NDRG1: variants seen among roughly 807,000 people sequenced by gnomAD.
NDRG1 encodes protein NDRG1.
Under a neutral mutation model 56.9 loss-of-function variants are expected in NDRG1, and 32 were observed. The ratio of observed to expected loss-of-function variants is 0.56; its 90% CI spans 0.42 to 0.76. NDRG1 has a LOEUF of 0.76. NDRG1 is among the 30% of genes least tolerant of loss of function. The probability of loss-of-function intolerance (pLI) is 0.00; values close to 1 mark genes in which losing one functional copy is unlikely to be tolerated. For synonymous variants in NDRG1, 211 were observed against 204.1 expected, an observed-to-expected ratio of 1.03 and a Z score of -0.29; for missense variants, 507 against 545.7, an observed-to-expected ratio of 0.93 and a Z score of 0.71.
In NDRG1 at chr8:133,258,443, A is replaced by G. The variant is rs1236813484; in HGVS notation, c.390-17T>C. The G allele has an allele frequency of 6.2e-7, 1 of 1,604,790 alleles. No individual in the cohort carries two copies. Among genetic ancestry groups the G allele is most frequent in the African/African-American group, 1.3e-5 (1 of 74,854 alleles). Reference sequence around the variant, plus strand: ...CTTTTCAGCCTGGAAGCAAAAATACAAATGCATGTCACACAAGGACAGAGT... The same window carrying G: ...CTTTTCAGCCTGGAAGCAAAAATACGAATGCATGTCACACAAGGACAGAGT... On this transcript the variant is annotated splice_polypyrimidine_tract_variant and intron_variant, in intron 6 of 15. Coordinates refer to ENST00000323851, the MANE Select transcript of NDRG1 (RefSeq NM_006096.4).
chr8:133,284,719 G>T (rs996530807), intron 1 of NDRG1: 1 of 461,288 alleles, frequency 2.2e-6, no homozygotes, highest in African/African-American at 2.0e-5. Context: ...GCCCCCGTGT[G>T]ACAATGAAAG....
At chr8:133,281,758 C>T (rs1857819594) in intron 2 of NDRG1, among the ~76,000 whole-genome samples, 1 of 152,200 alleles carries the variant, frequency 6.6e-6, no homozygotes, top group Admixed American at 6.5e-5. Context: ...AATAGCCCCA[C>T]ATCCCCTGAG....
intron 3 of NDRG1, among the ~76,000 whole-genome samples, chr8:133,277,810 C>G (rs931411872): frequency 6.6e-6 from 1 of 152,074 alleles, no homozygotes; most frequent in Non-Finnish European, 1.5e-5. Flanking sequence ...CATCATTGGC[C>G]CTTGTCAGTG....
intron 4 of NDRG1, among the ~76,000 whole-genome samples, chr8:133,263,220 G>C (rs1262714478): frequency 1.3e-5 from 2 of 152,240 alleles, no homozygotes; most frequent in Non-Finnish European, 1.5e-5. Context: ...GACAGGGGAA[G>C]AAGTGAGATA....
In NDRG1 at chr8:133,259,185, T is replaced by C; in HGVS notation, c.372A>G (p.Gly124=). The C allele has an allele frequency of 1.2e-6, 2 of 1,614,146 alleles. No individual in the cohort carries two copies. The highest frequency in any genetic ancestry group is 1.7e-6 in the Non-Finnish European group (2 of 1,180,020). The change falls in exon 6 of 16, where the codon GGA becomes GGG. Residue 124 remains glycine, a synonymous_variant. Transcript: ENST00000323851. ...GCTCTTACCCAAACTGTTGAAGGAC[T>C]CCAGGAAGCATTTCAGCCAGCTGAT... ...SMDQLAEMLP[G]VLQQFGLKSI... is the part of the protein sequence containing the mutation.
At chr8:133,270,949 C>T (rs983978274) in intron 3 of NDRG1, among the ~76,000 whole-genome samples, 1 of 152,186 alleles carries the variant, frequency 6.6e-6, no homozygotes, top group African/African-American at 2.4e-5. Context: ...ATGGTACAGA[C>T]CTGAATGTGT....
At chr8:133,262,226 G>A in intron 4 of NDRG1, 59 bp from the exon 5 acceptor site, 2 of 1,592,608 alleles carry the variant, frequency 1.3e-6, no homozygotes, top group Non-Finnish European at 1.7e-6. Flanking sequence ...AAAATTAGGT[G>A]TCTCGGTGGC....
intron 7 of NDRG1, 59 bp from the exon 8 acceptor site, chr8:133,256,922 T>C: frequency 6.6e-7 from 1 of 1,525,828 alleles, no homozygotes; most frequent in Non-Finnish European, 9.0e-7. Flanking sequence ...ACTAGGAACT[T>C]TCCAAGGCAA....
At chr8:133,287,213 C>T (rs948175630) in intron 1 of NDRG1, among the ~76,000 whole-genome samples, 4 of 152,138 alleles carry the variant, frequency 2.6e-5, no homozygotes, top group Admixed American at 1.3e-4. Flanking sequence ...CAAGGTGCTT[C>T]GGCTCAAGCC....
chr8:133,250,619 A>G (rs1855964562), intron 9 of NDRG1, 76 bp from the exon 10 acceptor site: 1 of 1,203,992 alleles, frequency 8.3e-7, no homozygotes, highest in Non-Finnish European at 1.2e-6. Flanking sequence ...TCCATTCTCC[A>G]GGTTATTTGG....
intron 1 of NDRG1, among the ~76,000 whole-genome samples, chr8:133,286,125 G>A (rs1858101697): frequency 6.6e-6 from 1 of 152,228 alleles, no homozygotes; most frequent in Non-Finnish European, 1.5e-5. Context: ...CAAGCAGGTA[G>A]CTTGTTCTTT....
intron 1 of NDRG1, among the ~76,000 whole-genome samples, chr8:133,287,011 T>C (rs1586495062): frequency 6.6e-6 from 1 of 152,056 alleles, no homozygotes; most frequent in East Asian, 1.9e-4. Flanking sequence ...GCCTGTAGGG[T>C]GGGAGGAGAG....
intron 13 of NDRG1, chr8:133,244,640 A>T (rs1564280768): frequency 3.4e-6 from 2 of 594,110 alleles, no homozygotes; most frequent in Non-Finnish European, 3.0e-6. Flanking sequence ...CCCTACAGAT[A>T]ATTTCACTCC....
In NDRG1 at chr8:133,273,804, C is replaced by T. The variant is rs373128480; in HGVS notation, c.99+6428G>A. Among the ~76,000 whole-genome samples the T allele has an allele frequency of 3.9e-5, 6 of 152,300 alleles. No homozygotes were observed. In the East Asian group the frequency reaches 1.2e-3, roughly 29 times the overall value. ...ATTCATTCTTCCTCCTCTTCCCTCC[C>T]CCAGGTGGCCTTCCACAAAGCTCTC... On this transcript the variant is annotated intron_variant, in intron 3 of 15. Transcript: ENST00000323851.
chr8:133,288,066 T>A (rs1222547386), intron 1 of NDRG1, among the ~76,000 whole-genome samples: 1 of 152,118 alleles, frequency 6.6e-6, no homozygotes, highest in Non-Finnish European at 1.5e-5. Context: ...CACACATACA[T>A]ACATTCTCAC....
At chr8:133,284,859 A>T (rs1238581954) in intron 1 of NDRG1, 17 of 456,522 alleles carry the variant, frequency 3.7e-5, no homozygotes, top group South Asian at 2.6e-4. Context: ...GCGTGAACAC[A>T]CATACACACC....
intron 14 of NDRG1, among the ~76,000 whole-genome samples, 188 bp from the exon 15 acceptor site, chr8:133,242,262 G>A (rs545712255): frequency 6.6e-6 from 1 of 152,324 alleles, no homozygotes; most frequent in South Asian, 2.1e-4. Flanking sequence ...CCCCACAGCT[G>A]TGGAACTTGG....
chr8:133,246,723 C>T (rs1170897110), intron 12 of NDRG1, 60 bp from the exon 13 acceptor site: 4 of 1,482,446 alleles, frequency 2.7e-6, no homozygotes, highest in African/African-American at 1.4e-5. Flanking sequence ...AAAACATCTC[C>T]CCCTTCTCCG....
intron 1 of NDRG1, among the ~76,000 whole-genome samples, chr8:133,286,861 G>A (rs570328577): frequency 1.3e-5 from 2 of 152,298 alleles, no homozygotes; most frequent in South Asian, 4.1e-4. Context: ...TAGTCTGGGG[G>A]GACTGTGGGG....
Sources: allele counts gnomAD v4.1 joint callset (sites outside exome capture counted in the v4.1 genomes callset), GRCh38; gene constraint gnomAD v4.1.1; transcripts MANE v1.5; gene names NCBI Gene and HGNC (gene_info 2026-07-23, HGNC 2026-07-21).